The following WDR77 variants were observed in gnomAD, a reference collection of about 807,000 sequenced individuals.
WDR77 encodes the protein WD repeat domain 77, also known as methylosome protein WDR77.
Under a neutral mutation model 44.0 loss-of-function variants are expected in WDR77, and 31 were observed. The ratio of observed to expected loss-of-function variants is 0.70; its 90% CI spans 0.53 to 0.95. The LOEUF is 0.95. WDR77 is among the 40% of genes least tolerant of loss of function. WDR77 has a pLI of 0.00. For missense variants in WDR77, 390 were observed against 423.9 expected (o/e 0.92, Z 0.70); for synonymous variants, 186 against 165.7 (o/e 1.12, Z -0.94).
rs1391902569 is a variant in WDR77 at position 111,441,112 on chromosome 1, G to A, written c.*118C>T. Reference sequence around the variant, plus strand: ...AGGCTGAGAGACGATGCCTATTAACGGCACAGATCTAGCATATCAACATAC... The same window carrying A: ...AGGCTGAGAGACGATGCCTATTAACAGCACAGATCTAGCATATCAACATAC... On this transcript the variant is annotated 3_prime_UTR_variant, in exon 10 of 10. Coordinates refer to ENST00000235090, the MANE Select transcript of WDR77 (RefSeq NM_024102.4). 9.7e-6 allele frequency: 11 copies of A among 1,132,524 alleles called. No homozygotes were observed. The East Asian group carries it at 1.4e-4, about 15-fold the overall frequency. The allele number at this position is 1,132,524 out of a possible 1,614,324, so 70.2% of individuals were successfully genotyped here. A position where few individuals can be genotyped will look rare whatever the true frequency, so the allele number is the denominator to read the frequency against.
intron 1 of WDR77, 41 bp downstream of exon 1, chr1:111,448,994 TCCGGGGAGGGGCGCCCTGGG>T (rs1163947355): frequency 6.5e-7 from 1 of 1,542,158 alleles, no homozygotes; most frequent in South Asian, 1.2e-5. Context: ...AGGGTCAGTC[TCCGGGGAGGGGCGCCCTGGG>T]CCGGGGTAAG....
At chr1:111,443,942 A>G (rs1470330738) in intron 5 of WDR77, 21 bp from the exon 6 acceptor site, 2 of 1,614,198 alleles carry the variant, frequency 1.2e-6, no homozygotes, top group Non-Finnish European at 1.7e-6. Flanking sequence ...GTGGAACAGA[A>G]AAAGGATTTC....
At chr1:111,443,780 A>G in intron 6 of WDR77, 87 bp downstream of exon 6, 2 of 1,599,340 alleles carry the variant, frequency 1.3e-6, no homozygotes, top group Non-Finnish European at 1.7e-6. Flanking sequence ...CTGGGCATCT[A>G]GCAACTATGC....
rs760197399 is a variant in WDR77, at chr1:111,449,207, C to A, written c.-38G>T. The A allele has an allele frequency of 6.5e-7, 1 of 1,540,662 alleles. No homozygotes were observed. Among genetic ancestry groups the A allele is most frequent in the South Asian group, 1.2e-5 (1 of 84,550 alleles). On this transcript the variant is annotated 5_prime_UTR_variant, in exon 1 of 10. Transcript: ENST00000235090. ...AACTCCAACCTAGACTCAAACTGGA[C>A]GCCGGCCGGAGACTCCGCTCCGGCA...
rs751688255 is a variant in WDR77, at chr1:111,449,145, G to A, written c.25C>T (p.Leu9=). 4 of 1,589,388 alleles carry A rather than the reference G, an allele frequency of 2.5e-6. No homozygotes were observed. The highest frequency in any genetic ancestry group is 8.5e-7 in the Non-Finnish European group (1 of 1,172,926). Residue 9 remains leucine, a synonymous_variant, in exon 1 of 10, where the codon CTA becomes TTA. Transcript: ENST00000235090. ...CACTCCCGGGCCGCCGGGGGCACTA[G>A]GGGGGGTGGGGTTTCCTTCCGCATC... MRKETPPP[L]VPPAAREWNL...
In WDR77 at chr1:111,443,582, A is replaced by T. The variant is rs1487305170; in HGVS notation, c.620-188T>A. ...CAGCCTCCTGCCCTTTCTGGACACG[A>T]GTCACAGGCAAGTTTCAGGCACGAA... On this transcript the variant is annotated intron_variant, in intron 6 of 9. Coordinates refer to ENST00000235090, the MANE Select transcript of WDR77 (RefSeq NM_024102.4). 20 of 920,434 alleles carry T rather than the reference A, an allele frequency of 2.2e-5. 1 individual carries two copies. Among genetic ancestry groups the T allele is most frequent in the Non-Finnish European group, 2.3e-5 (18 of 771,078 alleles). 57.0% of individuals were successfully genotyped at this position (920,434 alleles called of 1,614,324 possible).
At chr1:111,448,859 G>A (rs990569201) in intron 1 of WDR77, 55 bp from the exon 2 acceptor site, 1 of 1,549,984 alleles carries the variant, frequency 6.5e-7, no homozygotes, top group African/African-American at 1.4e-5. Flanking sequence ...CGCCTCCATG[G>A]AGACCGCACA....
chr1:111,444,031 G>A (rs981023857), intron 5 of WDR77, 23 bp downstream of exon 5: 1 of 1,614,054 alleles, frequency 6.2e-7, no homozygotes, highest in South Asian at 1.1e-5. Context: ...AGTGTGTTTA[G>A]GGAAGAAGGA....
At chr1:111,444,231 A>C in intron 4 of WDR77, 107 bp from the exon 5 acceptor site, 2 of 1,062,016 alleles carry the variant, frequency 1.9e-6, no homozygotes, top group Non-Finnish European at 2.8e-6. Context: ...GGCTGGTCTC[A>C]TGATGCAATT....
chr1:111,441,014 C>T lies in WDR77; in HGVS notation c.*216G>A, dbSNP rs375678749. 4.2e-5 allele frequency: 16 copies of T among 383,470 alleles called. No homozygotes were observed. Among genetic ancestry groups the T allele is most frequent in the Non-Finnish European group, 5.4e-5 (12 of 223,116 alleles). The allele number at this position is 383,470 out of a possible 1,614,324, so 23.8% of individuals were successfully genotyped here. Reference sequence around the variant, plus strand: ...CTATAAATCTACACACACACTCACACGCACATACATGTCCATTTTTAAGAA... The same window carrying T: ...CTATAAATCTACACACACACTCACATGCACATACATGTCCATTTTTAAGAA... On this transcript the variant is annotated 3_prime_UTR_variant, in exon 10 of 10. Transcript: ENST00000235090.
Position 111,443,882 on chromosome 1 carries a change from G to C in WDR77, c.604C>G (p.Pro202Ala). 1 of 1,614,160 alleles carries C rather than the reference G, an allele frequency of 6.2e-7. No individual in the cohort carries two copies. The highest frequency in any genetic ancestry group is 8.5e-7 in the Non-Finnish European group (1 of 1,179,996). ...TCAGACTCACCAATCTGTGATGCTGGCTTGGGACAGCGGGTATCCCAGAGT... is the reference window on the plus strand; with the variant it reads ...TCAGACTCACCAATCTGTGATGCTGCCTTGGGACAGCGGGTATCCCAGAGT... ...ILLWDTRCPK[P>A]ASQIGCSAPG... The change falls in exon 6 of 10, where the codon CCA becomes GCA. Residue 202 changes from proline to alanine, a missense_variant. Coordinates refer to ENST00000235090, the MANE Select transcript of WDR77 (RefSeq NM_024102.4).
At chr1:111,446,775 C>A in intron 4 of WDR77, 1 of 245,208 alleles carries the variant, frequency 4.1e-6, no homozygotes, top group Non-Finnish European at 7.8e-6. Context: ...GGTGGTGAGG[C>A]CATCAATAGA....
chr1:111,448,485 G>T, intron 2 of WDR77, 134 bp downstream of exon 2: 1 of 998,422 alleles, frequency 1.0e-6, no homozygotes, highest in Non-Finnish European at 1.5e-6. Context: ...GTTTGCATTC[G>T]GGGCCAACAC....
intron 9 of WDR77, 195 bp from the exon 10 acceptor site, chr1:111,441,584 A>C (rs1480708646): frequency 1.4e-5 from 18 of 1,293,078 alleles, no homozygotes; most frequent in Non-Finnish European, 1.8e-5. Flanking sequence ...CCAGTCTTCT[A>C]TTTTCATAGA....
intron 1 of WDR77, 89 bp downstream of exon 1, chr1:111,448,966 G>A (rs1029744980): frequency 3.2e-6 from 5 of 1,538,676 alleles, no homozygotes; most frequent in African/African-American, 1.4e-5. Flanking sequence ...ATAACATGCA[G>A]GGCGGGGATG....
chr1:111,449,003 G>A, intron 1 of WDR77, 52 bp downstream of exon 1: 12 of 1,545,274 alleles, frequency 7.8e-6, no homozygotes, highest in Non-Finnish European at 1.0e-5. Flanking sequence ...CTCCGGGGAG[G>A]GGCGCCCTGG....
chr1:111,449,145 G>C lies in WDR77; in HGVS notation c.25C>G (p.Leu9Val). MRKETPPP[L>V]VPPAAREWNL... The stretch of plus-strand genomic sequence containing the variant: ...CACTCCCGGGCCGCCGGGGGCACTA[G>C]GGGGGGTGGGGTTTCCTTCCGCATC... The change falls in exon 1 of 10, where the codon CTA (leucine) becomes GTA (valine). Residue 9 changes from leucine (L) to valine (V), a missense_variant. Transcript: ENST00000235090. 1.3e-6 allele frequency: 2 copies of C among 1,589,388 alleles called. No individual in the cohort carries two copies. Among genetic ancestry groups the C allele is most frequent in the African/African-American group, 1.3e-5 (1 of 74,814 alleles).
rs972966640 is a variant in WDR77, at chr1:111,441,663, G to A, written c.870-274C>T. ...ACAGGCAGCAAATCACGGCAAGGAG[G>A]GAAGTACAATTCAGGTCTTCCAGGT... is the stretch of plus-strand genomic sequence containing the variant. On this transcript the variant is annotated intron_variant, in intron 9 of 9. Transcript: ENST00000235090. 4.4e-6 allele frequency: 5 copies of A among 1,141,540 alleles called. No individual in the cohort carries two copies. In the African/African-American group the frequency reaches 4.7e-5, roughly 11 times the overall value. The allele number at this position is 1,141,540 out of a possible 1,614,324, so 70.7% of individuals were successfully genotyped here.
chr1:111,443,591 C>T lies in WDR77; in HGVS notation c.620-197G>A, dbSNP rs528343322. 1.3e-5 allele frequency: 12 copies of T among 952,310 alleles called. 1 individual carries two copies. The South Asian group carries it at 5.3e-4, about 42-fold the overall frequency. 59.0% of individuals were successfully genotyped at this position (952,310 alleles called of 1,614,324 possible). A position where few individuals can be genotyped will look rare whatever the true frequency, so the allele number is the denominator to read the frequency against. On this transcript the variant is annotated intron_variant, in intron 6 of 9. Coordinates refer to ENST00000235090, the MANE Select transcript of WDR77 (RefSeq NM_024102.4). ...GCCCTTTCTGGACACGAGTCACAGG[C>T]AAGTTTCAGGCACGAATCATGACGA...
Sources: allele counts gnomAD v4.1 joint callset, GRCh38; gene constraint gnomAD v4.1.1; transcripts MANE v1.5; gene names NCBI Gene and HGNC (gene_info 2026-07-23, HGNC 2026-07-21).